PIEZO2: variants seen among roughly 807,000 people sequenced by gnomAD.
The protein encoded by PIEZO2 is piezo-type mechanosensitive ion channel component 2.
PIEZO2 carries 172 observed loss-of-function variants against 337.3 expected under a neutral mutation model. The ratio of observed to expected loss-of-function variants is 0.51; its 90% confidence interval spans 0.45 to 0.58. The LOEUF (loss-of-function observed/expected upper bound fraction) is 0.58, where lower values mean the gene tolerates loss of function less well. PIEZO2 is among the 20% of genes least tolerant of loss of function. The pLI, the probability that PIEZO2 is intolerant of heterozygous loss-of-function variation, is 0.00. For missense variants in PIEZO2, 3,028 were observed against 3,391.3 expected, an observed-to-expected ratio of 0.89 and a Z score of 2.66; for synonymous variants, 1,251 against 1,228.5, an observed-to-expected ratio of 1.02 and a Z score of -0.38.
At chr18:11,025,010 G>T (rs1046431282) in intron 2 of PIEZO2, among the ~76,000 whole-genome samples, 1 of 151,612 alleles carries the variant, frequency 6.6e-6, no homozygotes, top group South Asian at 2.1e-4. Context: ...GTAGTACATA[G>T]CCTGCATGAG....
intron 1 of PIEZO2, among the ~76,000 whole-genome samples, chr18:11,089,381 TG>T (rs2039003101): frequency 6.6e-6 from 1 of 152,104 alleles, no homozygotes; most frequent in Admixed American, 6.5e-5. Flanking sequence ...ACAGAAAAGA[TG>T]TAATTGAGTT....
rs1395336528 is a variant in PIEZO2 at position 10,855,409 on chromosome 18, A to G, written c.861T>C (p.Tyr287=). 1 of 1,537,096 alleles carries G rather than the reference A, an allele frequency of 6.5e-7. No individual in the cohort carries two copies. Among genetic ancestry groups the G allele is most frequent in the African/African-American group, 1.4e-5 (1 of 73,040 alleles). ...IFTAGHLIGL[Y]LYQFQFFQEA... is the part of the protein sequence containing the mutation. ...CTTGAAAGAATTGGAACTGGTATAA[A>G]TAAAGTCCAATCAAATGTCCAGCAG... The change falls in exon 7 of 56, where the codon TAT becomes TAC. Residue 287 remains tyrosine (Y), a synonymous_variant. Coordinates refer to ENST00000674853, the MANE Select transcript of PIEZO2 (RefSeq NM_001378183.1). The surrounding 1 kb of genome is among the most constrained non-coding windows in gnomAD (Gnocchi z 4.9).
intron 4 of PIEZO2, among the ~76,000 whole-genome samples, chr18:10,910,618 A>G (rs1057123578): frequency 2.0e-5 from 3 of 152,094 alleles, no homozygotes; most frequent in Admixed American, 2.0e-4. Flanking sequence ...AAAAAAGAAA[A>G]AGAAAGGAAA....
Position 11,078,055 on chromosome 18 carries a change from CA to C in PIEZO2, c.65-11834del. Among the ~76,000 whole-genome samples, 1 of 151,150 alleles carries C rather than the reference CA, an allele frequency of 6.6e-6. No homozygotes were observed. The highest frequency in any genetic ancestry group is 1.5e-5 in the Non-Finnish European group (1 of 67,814). ...ACACACCCACACACACCCACACACA[CA>C]CACACACACACCACACACACAAAAA... On this transcript the variant is annotated intron_variant, in intron 1 of 55. Coordinates refer to ENST00000674853, the MANE Select transcript of PIEZO2 (RefSeq NM_001378183.1). This position sits in a 1 kb window ranked among gnomAD's most constrained non-coding sequence, Gnocchi z 5.3.
At chr18:11,093,371 C>T (rs189609323) in intron 1 of PIEZO2, among the ~76,000 whole-genome samples, 145 of 151,696 alleles carry the variant, frequency 9.6e-4, no homozygotes, top group African/African-American at 3.4e-3. Context: ...AAGAAACAAA[C>T]AATAACAATA....
intron 2 of PIEZO2, among the ~76,000 whole-genome samples, chr18:11,007,670 T>C (rs767018730): frequency 1.3e-5 from 2 of 152,090 alleles, no homozygotes; most frequent in African/African-American, 4.8e-5. Flanking sequence ...AATTGATGAC[T>C]AAAATCATCG....
intron 14 of PIEZO2, 40 bp from the exon 15 acceptor site, chr18:10,789,405 T>C: frequency 1.3e-6 from 2 of 1,512,398 alleles, no homozygotes; most frequent in Non-Finnish European, 1.8e-6. Flanking sequence ...TAGCTGGTTA[T>C]CTGTGCAGAC....
intron 1 of PIEZO2, among the ~76,000 whole-genome samples, chr18:11,119,147 CTTTTT>C (rs58414095): frequency 1.1e-3 from 147 of 131,222 alleles, no homozygotes; most frequent in East Asian, 3.0e-3. Flanking sequence ...CAAATATTTG[CTTTTT>C]TTTTTTTTTT....
At chr18:10,799,426 A>G (rs971709212) in intron 11 of PIEZO2, among the ~76,000 whole-genome samples, 1 of 152,232 alleles carries the variant, frequency 6.6e-6, no homozygotes, top group Admixed American at 6.5e-5. Flanking sequence ...ACAGTCTTCA[A>G]GGGATTCCAG....
At chr18:10,796,857 T>A (rs114364203) in intron 12 of PIEZO2, among the ~76,000 whole-genome samples, 3,805 of 152,272 alleles carry the variant, frequency 0.025, 159 homozygotes, top group African/African-American at 0.088. Flanking sequence ...ATATCATACA[T>A]ACCATCAGAT....
chr18:11,098,163 T>C (rs1195677688), intron 1 of PIEZO2, among the ~76,000 whole-genome samples: 1 of 152,098 alleles, frequency 6.6e-6, no homozygotes, highest in Non-Finnish European at 1.5e-5. Context: ...TATGACACTG[T>C]TCAGTAATGG....
chr18:10,791,349 A>C (rs1356763402), intron 13 of PIEZO2, 25 bp from the exon 14 acceptor site: 5 of 1,472,628 alleles, frequency 3.4e-6, no homozygotes, highest in Non-Finnish European at 4.5e-6. Context: ...GCAGCAAAAC[A>C]AGAATTAAGC....
chr18:10,990,533 C>G (rs896068696), intron 2 of PIEZO2, among the ~76,000 whole-genome samples: 1 of 151,842 alleles, frequency 6.6e-6, no homozygotes, highest in Admixed American at 6.6e-5. Flanking sequence ...AGACAAGCCC[C>G]AAGCCCTTGA....
chr18:10,738,492 A>G (rs1235287047), intron 33 of PIEZO2: 1 of 152,214 alleles, frequency 6.6e-6, no homozygotes, highest in Non-Finnish European at 1.5e-5. Context: ...AGAAAATGTA[A>G]AAAAGTCTCT....
At chr18:11,037,327 T>C (rs1211738948) in intron 2 of PIEZO2, among the ~76,000 whole-genome samples, 1 of 152,196 alleles carries the variant, frequency 6.6e-6, no homozygotes, top group Non-Finnish European at 1.5e-5. Flanking sequence ...CTAGAAATTG[T>C]ATGCCACGTA....
intron 18 of PIEZO2, among the ~76,000 whole-genome samples, chr18:10,777,634 A>G (rs1969275594): frequency 6.6e-6 from 1 of 152,196 alleles, no homozygotes; most frequent in Non-Finnish European, 1.5e-5. Context: ...ACTTTCCATT[A>G]AAGAAAATGG....
chr18:10,876,800 C>T (rs1001934579), intron 4 of PIEZO2, among the ~76,000 whole-genome samples: 5 of 152,118 alleles, frequency 3.3e-5, no homozygotes, highest in Non-Finnish European at 7.4e-5. Context: ...ACATGGGCTC[C>T]CCTTGCCCAT....
intron 1 of PIEZO2, among the ~76,000 whole-genome samples, chr18:11,136,538 G>A (rs2040493058): frequency 6.6e-6 from 1 of 152,246 alleles, no homozygotes; most frequent in African/African-American, 2.4e-5. Context: ...TTACCAGCTA[G>A]ACTGATTTTG....
At chr18:11,013,109 C>T (rs1385649877) in intron 2 of PIEZO2, among the ~76,000 whole-genome samples, 1 of 152,060 alleles carries the variant, frequency 6.6e-6, no homozygotes, top group African/African-American at 2.4e-5. Context: ...TATGTAATTC[C>T]CAGAACCTGT....
Sources: allele counts gnomAD v4.1 joint callset (sites outside exome capture counted in the v4.1 genomes callset), GRCh38; gene constraint gnomAD v4.1.1; non-coding constraint Gnocchi (gnomAD v3.1); transcripts MANE v1.5; gene names NCBI Gene and HGNC (gene_info 2026-07-23, HGNC 2026-07-21).